The following RBFOX3 variants were observed in gnomAD, a reference collection of about 807,000 sequenced individuals.
RBFOX3 encodes the protein RNA binding protein fox-1 homolog 3.
A neutral mutation model predicts 48.7 loss-of-function variants in RBFOX3; 17 were observed. The ratio of observed to expected loss-of-function variants is 0.35; its 90% CI spans 0.24 to 0.52. RBFOX3 has a LOEUF of 0.52. RBFOX3 is among the 20% of genes least tolerant of loss of function. The pLI is 0.94. For synonymous variants in RBFOX3, 212 were observed against 209.5 expected, an observed-to-expected ratio of 1.01 and a Z score of -0.10; for missense variants, 382 against 497.5, an observed-to-expected ratio of 0.77 and a Z score of 2.21.
chr17:79,228,371 C>T (rs567024031), intron 4 of RBFOX3, among the ~76,000 whole-genome samples: 22 of 152,142 alleles, frequency 1.4e-4, no homozygotes, highest in African/African-American at 4.8e-4. Flanking sequence ...TCTGCCCAAG[C>T]GGAACACGCC....
At chr17:79,646,695 A>ACCATATCAC in the RBFOX3 span, among the ~76,000 whole-genome samples, 1 of 152,176 alleles carries the variant, frequency 6.6e-6, no homozygotes, top group African/African-American at 2.4e-5. Flanking sequence ...GCACAGCCAA[A>ACCATATCAC]CCATATCACC....
Position 79,214,475 on chromosome 17 carries a change from G to A in RBFOX3, c.-34+21291C>T, listed in dbSNP as rs1407705690. 6.6e-6 allele frequency among the ~76,000 whole-genome samples: 1 copy of A among 152,032 alleles called. No individual in the cohort carries two copies. Among genetic ancestry groups the A allele is most frequent in the Non-Finnish European group, 1.5e-5 (1 of 67,986 alleles). Reference sequence around the variant, plus strand: ...TTTGGATCAGTGTGACTGGGAGGACGCTGCTGCCCACCCTGGCACCCAGGG... The same window carrying A: ...TTTGGATCAGTGTGACTGGGAGGACACTGCTGCCCACCCTGGCACCCAGGG... On this transcript the variant is annotated intron_variant, in intron 4 of 14. Coordinates refer to ENST00000693108, the MANE Select transcript of RBFOX3 (RefSeq NM_001350451.2). The surrounding 1 kb of genome is among the most constrained non-coding windows in gnomAD (Gnocchi z 4.7).
intron 1 of RBFOX3, among the ~76,000 whole-genome samples, chr17:79,610,418 C>T (rs2093945707): frequency 6.6e-6 from 1 of 152,046 alleles, no homozygotes; most frequent in East Asian, 2.0e-4. Context: ...CGGGGAGTTC[C>T]CCGCGCCGGG....
intron 4 of RBFOX3, among the ~76,000 whole-genome samples, chr17:79,228,599 C>A (rs1000029779): frequency 6.6e-6 from 1 of 152,226 alleles, no homozygotes; most frequent in Admixed American, 6.5e-5. Context: ...GGACCCTCTT[C>A]AGGTTCCGTG....
chr17:79,280,727 C>T (rs963089721), intron 3 of RBFOX3, among the ~76,000 whole-genome samples: 1 of 151,682 alleles, frequency 6.6e-6, no homozygotes, highest in Non-Finnish European at 1.5e-5. Flanking sequence ...ATCCTCCTAT[C>T]AAAGCTGAGC....
At position 79,252,661 on chromosome 17, in the gene RBFOX3, C is replaced by T. The variant is rs188897640; in HGVS notation, c.-73-16856G>A. Among the ~76,000 whole-genome samples the T allele has an allele frequency of 3.4e-4, 52 of 152,324 alleles. No homozygotes were observed. The highest frequency in any genetic ancestry group is 1.2e-3 in the African/African-American group (49 of 41,570). Reference sequence around the variant, plus strand: ...CCATCCAGCTCGTTTCAAGCCGCTACGTTTGTTTGCGACGGCGGCACCTAA... The same window carrying T: ...CCATCCAGCTCGTTTCAAGCCGCTATGTTTGTTTGCGACGGCGGCACCTAA... On this transcript the variant is annotated intron_variant, in intron 3 of 14. Coordinates refer to ENST00000693108, the MANE Select transcript of RBFOX3 (RefSeq NM_001350451.2). This position sits in a 1 kb window ranked among gnomAD's most constrained non-coding sequence, Gnocchi z 4.0.
chr17:79,569,950 T>C (rs1322847420), intron 1 of RBFOX3, among the ~76,000 whole-genome samples: 1 of 150,012 alleles, frequency 6.7e-6, no homozygotes, highest in Admixed American at 6.7e-5. Context: ...AATAGATGGA[T>C]GGTAGATTGA....
intron 2 of RBFOX3, among the ~76,000 whole-genome samples, chr17:79,349,215 C>G (rs776232797): frequency 6.6e-6 from 1 of 152,060 alleles, no homozygotes; most frequent in African/African-American, 2.4e-5. Context: ...CCAGACCTAT[C>G]CCTGCTCAGC....
chr17:79,328,990 G>T (rs984338017), intron 2 of RBFOX3, among the ~76,000 whole-genome samples: 1 of 152,120 alleles, frequency 6.6e-6, no homozygotes, highest in African/African-American at 2.4e-5. Flanking sequence ...CCAGGTATGG[G>T]CTGAAGGCAG....
chr17:79,495,832 G>A (rs898714512), intron 1 of RBFOX3, among the ~76,000 whole-genome samples: 4 of 151,680 alleles, frequency 2.6e-5, no homozygotes, highest in African/African-American at 7.3e-5. Flanking sequence ...GGTTGGGGGT[G>A]TAGGCGGTGG....
At chr17:79,521,973 C>A (rs956113787) in intron 1 of RBFOX3, among the ~76,000 whole-genome samples, 3,844 of 152,242 alleles carry the variant, frequency 0.025, 62 homozygotes, top group African/African-American at 0.044. Flanking sequence ...CCAGAGTGAG[C>A]GGCAAAGGAG....
intron 4 of RBFOX3, among the ~76,000 whole-genome samples, chr17:79,157,970 C>T (rs947706430): frequency 2.0e-5 from 3 of 152,196 alleles, no homozygotes; most frequent in African/African-American, 4.8e-5. Flanking sequence ...CCAACTCCTA[C>T]GCTGAAGTCC....
At chr17:79,590,813 C>A (rs2093394975) in intron 1 of RBFOX3, among the ~76,000 whole-genome samples, 1 of 152,190 alleles carries the variant, frequency 6.6e-6, no homozygotes, top group South Asian at 2.1e-4. Context: ...ATCAGCTCAG[C>A]CCTGGGGTAA....
At chr17:79,169,203 AG>A (rs907526915) in intron 4 of RBFOX3, among the ~76,000 whole-genome samples, 4 of 152,178 alleles carry the variant, frequency 2.6e-5, no homozygotes, top group African/African-American at 4.8e-5. Context: ...TCAGACATGC[AG>A]GGGGGTGCCC....
At chr17:79,228,455 C>G (rs930822087) in intron 4 of RBFOX3, among the ~76,000 whole-genome samples, 2 of 152,324 alleles carry the variant, frequency 1.3e-5, no homozygotes, top group East Asian at 3.9e-4. Flanking sequence ...TACTTCCACA[C>G]AAACACACAC....
intron 3 of RBFOX3, among the ~76,000 whole-genome samples, chr17:79,271,089 T>C (rs1027137532): frequency 6.6e-6 from 1 of 152,188 alleles, no homozygotes; most frequent in African/African-American, 2.4e-5. Flanking sequence ...TTTTTTTTTT[T>C]TTTGAGACGG....
intron 2 of RBFOX3, among the ~76,000 whole-genome samples, chr17:79,332,433 G>A (rs2146369134): frequency 6.6e-6 from 1 of 152,206 alleles, no homozygotes. Context: ...ATGCTGGAGA[G>A]GAGGCAGGCT....
intron 2 of RBFOX3, among the ~76,000 whole-genome samples, chr17:79,406,342 C>T (rs924885580): frequency 2.0e-5 from 3 of 152,326 alleles, no homozygotes; most frequent in African/African-American, 4.8e-5. Flanking sequence ...GTGGCTCCCG[C>T]TGGGGGATCT....
chr17:79,489,012 C>A (rs2080078615), intron 1 of RBFOX3, among the ~76,000 whole-genome samples: 1 of 152,118 alleles, frequency 6.6e-6, no homozygotes, highest in Non-Finnish European at 1.5e-5. Flanking sequence ...TTTTGCTTAT[C>A]TTTTGTTTTG....
Sources: allele counts gnomAD v4.1 joint callset (sites outside exome capture counted in the v4.1 genomes callset), GRCh38; gene constraint gnomAD v4.1.1; non-coding constraint Gnocchi (gnomAD v3.1); transcripts MANE v1.5; gene names NCBI Gene and HGNC (gene_info 2026-07-23, HGNC 2026-07-21).